The following PKD1L1 variants were observed in gnomAD, a reference collection of about 807,000 sequenced individuals.
PKD1L1 encodes the protein polycystin-1-like protein 1.
In PKD1L1, 236 loss-of-function variants were observed where a neutral mutation model predicts 323.4. The ratio of observed to expected loss-of-function variants is 0.73; its 90% CI spans 0.66 to 0.81. The LOEUF is 0.81. PKD1L1 is among the 40% of genes least tolerant of loss of function. The probability of loss-of-function intolerance (pLI) is 0.00; values close to 1 mark genes in which losing one functional copy is unlikely to be tolerated. For synonymous variants in PKD1L1, 1,344 were observed against 1,335.0 expected (o/e 1.01, Z -0.15); for missense variants, 3,320 against 3,508.0 (o/e 0.95, Z 1.35).
intron 7 of PKD1L1, among the ~76,000 whole-genome samples, chr7:47,916,080 A>G (rs1262031752): frequency 6.6e-6 from 1 of 152,198 alleles, no homozygotes; most frequent in African/African-American, 2.4e-5. Context: ...TAAAAGACAA[A>G]GAAAACTTTC....
chr7:47,881,520 G>C (rs1271336986), intron 20 of PKD1L1, among the ~76,000 whole-genome samples: 1 of 152,110 alleles, frequency 6.6e-6, no homozygotes, highest in African/African-American at 2.4e-5. Context: ...ACCATGTCTG[G>C]GCTGGGAAAT....
intron 4 of PKD1L1, among the ~76,000 whole-genome samples, chr7:47,935,808 T>C (rs2128756946): frequency 6.6e-6 from 1 of 152,290 alleles, no homozygotes; most frequent in Non-Finnish European, 1.5e-5. Context: ...AGAGTAAAGA[T>C]CAGGTGGATT....
chr7:47,807,932 G>A (rs561706749), intron 52 of PKD1L1, among the ~76,000 whole-genome samples: 2 of 152,168 alleles, frequency 1.3e-5, no homozygotes, highest in Non-Finnish European at 2.9e-5. Context: ...GCAAGTCAGC[G>A]CTAGCCTCCT....
intron 8 of PKD1L1, among the ~76,000 whole-genome samples, chr7:47,910,826 T>TTATG (rs762737755): frequency 7.9e-6 from 1 of 126,082 alleles, no homozygotes. Context: ...CCAGCTGATT[T>TTATG]TGTGTGTGTG....
intron 7 of PKD1L1, among the ~76,000 whole-genome samples, chr7:47,919,008 A>C (rs557859395): frequency 6.6e-6 from 1 of 152,332 alleles, no homozygotes; most frequent in African/African-American, 2.4e-5. Context: ...AAGAAAGGAA[A>C]TAACCAAGAT....
At chr7:47,926,124 G>T (rs1787652672) in intron 7 of PKD1L1, among the ~76,000 whole-genome samples, 1 of 152,184 alleles carries the variant, frequency 6.6e-6, no homozygotes, top group Non-Finnish European at 1.5e-5. Context: ...ATCCAGGACA[G>T]AATTAACTGA....
chr7:47,905,173 G>T lies in PKD1L1; in HGVS notation c.1675C>A (p.Leu559Ile). Residue 559 changes from leucine to isoleucine, a missense_variant, in exon 11 of 57, where the codon CTC becomes ATC. Physicochemically the swap from Leu to Ile is conservative, Grantham distance 5. Coordinates refer to ENST00000289672, the MANE Select transcript of PKD1L1 (RefSeq NM_138295.5). ...RTTSRSIKKRLSIPQWYRVMV... is the reference protein window; with the variant it reads ...RTTSRSIKKRISIPQWYRVMV... ...TTTACTGACCATTGGGGGATGCTGA[G>T]TCTTTTTTTAATGCTTCTTGAAGTT... is the stretch of plus-strand genomic sequence containing the variant. 6.2e-7 allele frequency: 1 copy of T among 1,613,998 alleles called. No homozygotes were observed.
chr7:47,813,530 G>A, intron 48 of PKD1L1: 1 of 691,108 alleles, frequency 1.4e-6, no homozygotes, highest in African/African-American at 1.8e-5. Context: ...TGGTTCTAAG[G>A]CTTAGACCAC....
the PKD1L1 span, among the ~76,000 whole-genome samples, chr7:47,954,721 A>AT: frequency 6.6e-6 from 1 of 152,194 alleles, no homozygotes; most frequent in African/African-American, 2.4e-5. Flanking sequence ...AAACCTGCCA[A>AT]TGAGTAATGC....
Position 47,905,973 on chromosome 7 carries a change from A to G in PKD1L1, c.1403-11T>C. The G allele has an allele frequency of 1.3e-6, 2 of 1,570,800 alleles. No individual in the cohort carries two copies. Among genetic ancestry groups the G allele is most frequent in the Non-Finnish European group, 1.7e-6 (2 of 1,160,836 alleles). On this transcript the variant is annotated splice_polypyrimidine_tract_variant and intron_variant, in intron 9 of 56. Coordinates refer to ENST00000289672, the MANE Select transcript of PKD1L1 (RefSeq NM_138295.5). ...GTATAACCACAGTGCCTAAAATGAGAAAAAAAGGAGATAAGAGAAAAAGTC... is the reference window on the plus strand; with the variant it reads ...GTATAACCACAGTGCCTAAAATGAGGAAAAAAGGAGATAAGAGAAAAAGTC...
intron 28 of PKD1L1, among the ~76,000 whole-genome samples, chr7:47,856,102 A>G (rs1785898837): frequency 6.6e-6 from 1 of 151,772 alleles, no homozygotes; most frequent in Non-Finnish European, 1.5e-5. Flanking sequence ...CAGTGGTGTG[A>G]TCTCAGCTCA....
Position 47,893,925 on chromosome 7 carries a change from G to A in PKD1L1, c.2406C>T (p.Leu802=), listed in dbSNP as rs373243580. 3 of 1,613,956 alleles carry A rather than the reference G, an allele frequency of 1.9e-6. No individual in the cohort carries two copies. The African/African-American group carries it at 4.0e-5, about 22-fold the overall frequency. ...FSRTTSSPIV[L]RGTQSFDPDD... ...CAGGGTCGAAGGACTGGGTCCCTCT[G>A]AGGACAATGGGGGATGAGGTGGTCC... is the stretch of plus-strand genomic sequence containing the variant. Residue 802 remains leucine, a synonymous_variant, in exon 15 of 57, where the codon CTC becomes CTT. Transcript: ENST00000289672.
At chr7:47,791,786 T>A (rs1336983261) in intron 56 of PKD1L1, among the ~76,000 whole-genome samples, 1 of 152,196 alleles carries the variant, frequency 6.6e-6, no homozygotes, top group African/African-American at 2.4e-5. Context: ...AGAGAGCTCC[T>A]TCATTGCCAC....
intron 24 of PKD1L1, 31 bp from the exon 25 acceptor site, chr7:47,866,645 T>G: frequency 7.8e-6 from 12 of 1,547,190 alleles, no homozygotes; most frequent in Non-Finnish European, 1.1e-5. Context: ...ATCATTACTG[T>G]TCCAACACAC....
In PKD1L1 at chr7:47,908,207, A is replaced by G. The variant is rs761634664; in HGVS notation, c.1272T>C (p.His424=). ...AAGGCCCAAGCTCCACTTCGGTTCC[A>G]TGAAACTCGTTATAAATAACAGCCT... ...MLKAVIYNEF[H]GTEVELGPYY... is the part of the protein sequence containing the mutation. The change falls in exon 9 of 57, where the codon CAT becomes CAC. Residue 424 remains histidine (H), a synonymous_variant. Coordinates refer to ENST00000289672, the MANE Select transcript of PKD1L1 (RefSeq NM_138295.5). 1 of 1,614,248 alleles carries G rather than the reference A, an allele frequency of 6.2e-7. No homozygotes were observed. Among genetic ancestry groups the G allele is most frequent in the Non-Finnish European group, 8.5e-7 (1 of 1,180,032 alleles).
At chr7:47,861,444 C>A (rs1229207822) in intron 26 of PKD1L1, among the ~76,000 whole-genome samples, 1 of 152,182 alleles carries the variant, frequency 6.6e-6, no homozygotes, top group African/African-American at 2.4e-5. Context: ...AAGAAGTAAC[C>A]TGCTCCAGTT....
At position 47,857,740 on chromosome 7, in the gene PKD1L1, T is replaced by A; in HGVS notation, c.4455A>T (p.Gly1485=). The change falls in exon 28 of 57, where the codon GGA becomes GGT. Residue 1485 remains glycine (G), a synonymous_variant. Coordinates refer to ENST00000289672, the MANE Select transcript of PKD1L1 (RefSeq NM_138295.5). ...CACCAGGTAAATGCACCTGGACAGATCCCAGGCTCTGGACAGAGCTCTGAA... is the reference window on the plus strand; with the variant it reads ...CACCAGGTAAATGCACCTGGACAGAACCCAGGCTCTGGACAGAGCTCTGAA... ...YNLQSSVQSL[G]SVQVHLPGDL... is the part of the protein sequence containing the mutation. The A allele has an allele frequency of 1.9e-6, 3 of 1,613,934 alleles. No individual in the cohort carries two copies. The highest frequency in any genetic ancestry group is 2.5e-6 in the Non-Finnish European group (3 of 1,179,988).
At chr7:47,792,252 T>C (rs1395799242) in intron 56 of PKD1L1, among the ~76,000 whole-genome samples, 1 of 152,192 alleles carries the variant, frequency 6.6e-6, no homozygotes, top group Admixed American at 6.5e-5. Flanking sequence ...TGGTCTAAGT[T>C]TTACTGTTCT....
At chr7:47,798,559 C>T (rs1784592009) in intron 54 of PKD1L1, among the ~76,000 whole-genome samples, 1 of 151,972 alleles carries the variant, frequency 6.6e-6, no homozygotes, top group Admixed American at 6.5e-5. Flanking sequence ...AGTTCGAGAC[C>T]AGCCTTACCA....
Sources: gnomAD v4.1 joint callset for allele counts (sites outside exome capture counted in the v4.1 genomes callset) on GRCh38, gnomAD v4.1.1 for gene constraint, MANE v1.5 for transcripts, NCBI Gene and HGNC (gene_info 2026-07-23, HGNC 2026-07-21) for gene names.